The following SEM1 variants were observed in gnomAD, a reference collection of about 807,000 sequenced individuals.
The protein encoded by SEM1 is SEM1 26S proteasome subunit.
A neutral mutation model predicts 12.7 loss-of-function variants in SEM1; 3 were observed. That is an observed-to-expected ratio of 0.24 (90% CI 0.11 to 0.61). SEM1 has a LOEUF of 0.61. Among genes scored for constraint, SEM1 ranks in the 20% least tolerant of loss-of-function variants. SEM1 has a pLI of 0.88. For synonymous variants in SEM1, 30 were observed against 27.8 expected (o/e 1.08, Z -0.25); for missense variants, 59 against 81.3 (o/e 0.73, Z 1.06).
chr7:96,655,517 G>A (rs1407752134), intron 2 of SEM1, among the ~76,000 whole-genome samples: 3 of 147,476 alleles, frequency 2.0e-5, no homozygotes, highest in Admixed American at 1.4e-4. Context: ...TCTTGACCTC[G>A]TGTTCCGCCT....
At chr7:96,694,201 C>T (rs969028476) in intron 2 of SEM1, among the ~76,000 whole-genome samples, 7 of 151,858 alleles carry the variant, frequency 4.6e-5, no homozygotes, top group African/African-American at 9.7e-5. Flanking sequence ...CAAGAAAGAA[C>T]GTGGAATGAC....
rs11771636 is a variant in SEM1, at chr7:96,577,416, C to T, written c.171-70718G>A. Among the ~76,000 whole-genome samples the T allele has an allele frequency of 5.7e-3, 859 of 151,856 alleles. 3 individuals are homozygous for T. Among genetic ancestry groups the T allele is most frequent in the Middle Eastern group, 0.017 (5 of 294 alleles). On this transcript the variant is annotated intron_variant and NMD_transcript_variant, in intron 2 of 3. Coordinates refer to the SEM1 transcript ENST00000466986. The stretch of plus-strand genomic sequence containing the variant: ...TTTGGGTGAAAAGGTAAAAATGTTA[C>T]GATTAATTATAAAATTATTTATTAT...
chr7:96,497,423 GA>G (rs1440833424), upstream of SEM1, among the ~76,000 whole-genome samples: 1 of 151,986 alleles, frequency 6.6e-6, no homozygotes, highest in Non-Finnish European at 1.5e-5. Context: ...TTCAGAAGTG[GA>G]AAAACAAGAA....
chr7:96,582,280 A>T (rs1046315666), intron 2 of SEM1, among the ~76,000 whole-genome samples: 8 of 147,368 alleles, frequency 5.4e-5, no homozygotes, highest in Non-Finnish European at 1.5e-5. Flanking sequence ...ACATTTATTG[A>T]TTTGCGTATA....
At chr7:96,588,426 G>T (rs1490347958) in intron 2 of SEM1, among the ~76,000 whole-genome samples, 2 of 145,378 alleles carry the variant, frequency 1.4e-5, no homozygotes, top group Non-Finnish European at 3.0e-5. Context: ...GAGAAGAAAG[G>T]TATATCATTT....
At chr7:96,554,817 A>C (rs369999720) in intron 2 of SEM1, among the ~76,000 whole-genome samples, 5 of 151,492 alleles carry the variant, frequency 3.3e-5, no homozygotes, top group African/African-American at 9.7e-5. Context: ...CTGTGAATCT[A>C]TCTGGTCCTA....
chr7:96,586,586 A>G (rs757508019), intron 2 of SEM1, among the ~76,000 whole-genome samples: 6 of 152,154 alleles, frequency 3.9e-5, no homozygotes, highest in Non-Finnish European at 5.9e-5. Flanking sequence ...TTGGTCAGAG[A>G]TGTGGTATTC....
chr7:96,672,034 A>T (rs1789329896), downstream of SEM1, among the ~76,000 whole-genome samples: 1 of 152,232 alleles, frequency 6.6e-6, no homozygotes, highest in Non-Finnish European at 1.5e-5. Flanking sequence ...CTCTTAGGTC[A>T]GTGTCCTCAT....
At chr7:96,669,735 G>A (rs1315344974), downstream of SEM1, among the ~76,000 whole-genome samples, 1 of 152,114 alleles carries the variant, frequency 6.6e-6, no homozygotes, top group Non-Finnish European at 1.5e-5. Context: ...ATATTTTTAT[G>A]AACCCACTTG....
chr7:96,584,296 C>T (rs1245613211), intron 2 of SEM1, among the ~76,000 whole-genome samples: 2 of 152,022 alleles, frequency 1.3e-5, no homozygotes, highest in Non-Finnish European at 1.5e-5. Flanking sequence ...AATATTGGCC[C>T]CCACTCTCTT....
intron 2 of SEM1, among the ~76,000 whole-genome samples, chr7:96,515,862 A>G (rs1804078319): frequency 6.6e-6 from 1 of 152,064 alleles, no homozygotes; most frequent in South Asian, 2.1e-4. Context: ...AACATCACAC[A>G]CTGGGGCCTG....
chr7:96,674,228 G>A (rs1047007671), intron 2 of SEM1, among the ~76,000 whole-genome samples: 2 of 152,064 alleles, frequency 1.3e-5, no homozygotes, highest in Non-Finnish European at 2.9e-5. Context: ...ATCCACCACA[G>A]ATCTATAATT....
intron 2 of SEM1, among the ~76,000 whole-genome samples, chr7:96,529,648 T>C (rs909817084): frequency 1.3e-5 from 2 of 152,212 alleles, no homozygotes; most frequent in East Asian, 3.9e-4. Flanking sequence ...TGAAGAAGGG[T>C]TCTCACTTAG....
chr7:96,518,633 A>G (rs1038913975), intron 2 of SEM1, among the ~76,000 whole-genome samples: 7 of 152,120 alleles, frequency 4.6e-5, no homozygotes, highest in Non-Finnish European at 7.3e-5. Flanking sequence ...CCTTCAGTTC[A>G]TAATTTAGTT....
intron 2 of SEM1, among the ~76,000 whole-genome samples, chr7:96,565,024 A>G (rs1392919796): frequency 6.6e-6 from 1 of 152,016 alleles, no homozygotes; most frequent in African/African-American, 2.4e-5. Context: ...GCATTTTCAC[A>G]GAGAAAGATA....
At chr7:96,685,693 A>G (rs1489397009), downstream of SEM1, among the ~76,000 whole-genome samples, 1 of 151,902 alleles carries the variant, frequency 6.6e-6, no homozygotes, top group African/African-American at 2.4e-5. Context: ...TAACACATAT[A>G]AATAGCTGAG....
intron 2 of SEM1, among the ~76,000 whole-genome samples, chr7:96,595,704 A>G (rs1806976243): frequency 6.6e-6 from 1 of 152,112 alleles, no homozygotes; most frequent in South Asian, 2.1e-4. Context: ...TCAGCTTTTA[A>G]AAAATTGTTT....
In SEM1 at chr7:96,689,109, G is replaced by GA. The variant is rs199572054; in HGVS notation, c.171-144dup. 7.8e-3 allele frequency: 3,638 copies of GA among 464,162 alleles called. 12 individuals carry two copies. The highest frequency in any genetic ancestry group is 0.026 in the African/African-American group (1,276 of 48,476). 28.8% of individuals were successfully genotyped at this position (464,162 alleles called of 1,614,324 possible). A position where few individuals can be genotyped will look rare whatever the true frequency, so the allele number is the denominator to read the frequency against. ...ACTGAATAGTTTTACTTTTGTCTCT[G>GA]AAAAAAAAACATAAGAAAATTGGAT... is the stretch of plus-strand genomic sequence containing the variant. On this transcript the variant is annotated intron_variant, in intron 2 of 2. Transcript: ENST00000248566.
downstream of SEM1, among the ~76,000 whole-genome samples, chr7:96,620,325 G>A (rs1446399646): frequency 2.0e-5 from 3 of 152,090 alleles, no homozygotes; most frequent in Non-Finnish European, 4.4e-5. Flanking sequence ...GGGTGCACGG[G>A]AGTACCCAGC....
Sources: gnomAD v4.1 joint callset for allele counts (sites outside exome capture counted in the v4.1 genomes callset) on GRCh38, gnomAD v4.1.1 for gene constraint, MANE v1.5 for transcripts, NCBI Gene and HGNC (gene_info 2026-07-23, HGNC 2026-07-21) for gene names.